Variants in DLG2 observed in about 807,000 individuals in gnomAD.
The protein encoded by DLG2 is disks large homolog 2.
Under a neutral mutation model 132.5 loss-of-function variants are expected in DLG2, and 45 were observed. The ratio of observed to expected loss-of-function variants is 0.34; its 90% confidence interval spans 0.27 to 0.44. The LOEUF (loss-of-function observed/expected upper bound fraction) is 0.44, where lower values mean the gene tolerates loss of function less well. DLG2 is among the 20% of genes least tolerant of loss of function. DLG2 has a pLI of 1.00. For missense variants in DLG2, 1,045 were observed against 1,196.9 expected (o/e 0.87, Z 1.87); for synonymous variants, 424 against 419.6 (o/e 1.01, Z -0.13).
Position 84,110,300 on chromosome 11 carries a change from C to T in DLG2, c.625-11253G>A, listed in dbSNP as rs571994225. The stretch of plus-strand genomic sequence containing the variant: ...GCCATTCAGCTTTTATGGGTTATTG[C>T]CTCTCTGAAATGGGGTCCTCTTACT... On this transcript the variant is annotated intron_variant, in intron 9 of 27. Transcript: ENST00000376104. 7.9e-5 allele frequency among the ~76,000 whole-genome samples: 12 copies of T among 152,222 alleles called. 1 individual carries two copies. The East Asian group carries it at 2.3e-3, about 29-fold the overall frequency.
At chr11:84,718,946 T>C (rs907519571) in intron 6 of DLG2, among the ~76,000 whole-genome samples, 1 of 152,148 alleles carries the variant, frequency 6.6e-6, no homozygotes, top group Non-Finnish European at 1.5e-5. Flanking sequence ...GTGTAACCTA[T>C]CATATTGAGT....
intron 6 of DLG2, among the ~76,000 whole-genome samples, chr11:84,714,591 CTCTT>C (rs111520026): frequency 0.23 from 24,258 of 107,760 alleles, 3,385 homozygotes; most frequent in African/African-American, 0.43. Flanking sequence ...CTTTCTCTTT[CTCTT>C]TCTTTCTCTT....
At position 83,458,471 on chromosome 11, in the gene DLG2, A is replaced by C. The variant is rs897223248; in HGVS notation, c.*1347T>G. 6.5e-6 allele frequency: 1 copy of C among 152,784 alleles called. No individual in the cohort carries two copies. The highest frequency in any genetic ancestry group is 2.4e-5 in the African/African-American group (1 of 41,356). 9.5% of individuals were successfully genotyped at this position (152,784 alleles called of 1,614,324 possible). On this transcript the variant is annotated 3_prime_UTR_variant, in exon 28 of 28. Transcript: ENST00000376104. ...TGTACATAGAAACAAAAAAGTCTGC[A>C]CCCCCTCACCCCCAACCAGACACTT...
chr11:84,783,788 T>C (rs1024683200), intron 6 of DLG2, among the ~76,000 whole-genome samples: 1 of 152,160 alleles, frequency 6.6e-6, no homozygotes, highest in African/African-American at 2.4e-5. Flanking sequence ...TTTTCCTCCA[T>C]ACATGTTCAA....
chr11:85,170,052 T>C (rs1038748979), intron 4 of DLG2, among the ~76,000 whole-genome samples: 1 of 152,218 alleles, frequency 6.6e-6, no homozygotes, highest in African/African-American at 2.4e-5. Context: ...GAAAAGCACA[T>C]AATTTTAATT....
At chr11:84,396,727 C>T (rs1427609932) in intron 7 of DLG2, among the ~76,000 whole-genome samples, 1 of 152,202 alleles carries the variant, frequency 6.6e-6, no homozygotes, top group African/African-American at 2.4e-5. Flanking sequence ...TCTTGTGAGT[C>T]ATCCTTAATA....
intron 7 of DLG2, among the ~76,000 whole-genome samples, chr11:84,495,375 C>T (rs779941473): frequency 6.6e-6 from 1 of 152,142 alleles, no homozygotes; most frequent in African/African-American, 2.4e-5. Flanking sequence ...ATGTGTCATA[C>T]TATTCAGAGC....
intron 3 of DLG2, among the ~76,000 whole-genome samples, chr11:85,592,739 C>A (rs543706376): frequency 6.6e-6 from 1 of 152,118 alleles, no homozygotes; most frequent in African/African-American, 2.4e-5. Context: ...TCACTTGAGC[C>A]CAGGAGTTCA....
At chr11:84,038,208 A>T (rs1260577899) in intron 11 of DLG2, among the ~76,000 whole-genome samples, 2 of 152,080 alleles carry the variant, frequency 1.3e-5, no homozygotes, top group African/African-American at 4.8e-5. Context: ...GAGCAAACAG[A>T]CAATCTACAG....
intron 4 of DLG2, among the ~76,000 whole-genome samples, chr11:85,169,373 A>G (rs531430960): frequency 1.4e-4 from 22 of 152,282 alleles, no homozygotes; most frequent in South Asian, 6.2e-4. Flanking sequence ...TTGCTAAAAT[A>G]AACTGATAAC....
At chr11:85,509,346 T>C (rs1453737108) in intron 3 of DLG2, among the ~76,000 whole-genome samples, 1 of 152,074 alleles carries the variant, frequency 6.6e-6, no homozygotes, top group African/African-American at 2.4e-5. Context: ...CTATTTCTTA[T>C]TCTAACATAG....
intron 3 of DLG2, among the ~76,000 whole-genome samples, chr11:85,353,287 G>C (rs2083438328): frequency 6.6e-6 from 1 of 152,166 alleles, no homozygotes; most frequent in Admixed American, 6.6e-5. Flanking sequence ...ACCACAATGA[G>C]ATACCATCTC....
chr11:85,058,853 T>C (rs1184045036), intron 6 of DLG2, among the ~76,000 whole-genome samples: 2 of 151,428 alleles, frequency 1.3e-5, no homozygotes, highest in Admixed American at 6.6e-5. Flanking sequence ...CCTCATACTA[T>C]ACACAAAATC....
intron 8 of DLG2, among the ~76,000 whole-genome samples, chr11:84,204,752 C>G (rs2096643825): frequency 1.3e-5 from 2 of 152,088 alleles, no homozygotes; most frequent in African/African-American, 2.4e-5. Flanking sequence ...GAGTCTCATT[C>G]TGTCTCCAGG....
intron 19 of DLG2, among the ~76,000 whole-genome samples, chr11:83,608,238 A>G (rs1279190194): frequency 1.3e-5 from 2 of 152,220 alleles, no homozygotes; most frequent in Non-Finnish European, 2.9e-5. Context: ...CCTACATTAA[A>G]TGTACTTAAA....
At chr11:85,613,411 C>T (rs1349385874) in intron 2 of DLG2, among the ~76,000 whole-genome samples, 1 of 152,168 alleles carries the variant, frequency 6.6e-6, no homozygotes, top group African/African-American at 2.4e-5. Context: ...GTAGCTAGAG[C>T]AGTCATCGGC....
At chr11:85,499,352 T>C (rs1399207327) in intron 3 of DLG2, among the ~76,000 whole-genome samples, 5 of 152,120 alleles carry the variant, frequency 3.3e-5, no homozygotes, top group South Asian at 2.1e-4. Flanking sequence ...CTAGAAGAAA[T>C]GGATAAATTC....
chr11:85,027,133 A>G (rs2060593702), intron 6 of DLG2, among the ~76,000 whole-genome samples: 1 of 150,430 alleles, frequency 6.6e-6, no homozygotes, highest in Non-Finnish European at 1.5e-5. Flanking sequence ...TATATTTAAA[A>G]GAAGTGAAAA....
chr11:84,092,907 G>T lies in DLG2; in HGVS notation c.749+6016C>A, dbSNP rs1299038559. On this transcript the variant is annotated intron_variant, in intron 10 of 27. Transcript: ENST00000376104. ...AAAAATTAGCTGGGTGTGGTGGCGG[G>T]CACCTGCAGTCCCAGCTACTCAAGA... Among the ~76,000 whole-genome samples, 3 of 151,776 alleles carry T rather than the reference G, an allele frequency of 2.0e-5. No homozygotes were observed. In the East Asian group the frequency reaches 5.8e-4, roughly 29 times the overall value.
Sources: gnomAD v4.1 joint callset for allele counts (sites outside exome capture counted in the v4.1 genomes callset) on GRCh38, gnomAD v4.1.1 for gene constraint, MANE v1.5 for transcripts, NCBI Gene and HGNC (gene_info 2026-07-23, HGNC 2026-07-21) for gene names.